The following NFILZ variants were observed in gnomAD, a reference collection of about 807,000 sequenced individuals.
NFILZ encodes NFIL3 like basic leucine zipper.
At chr19:8,675,633 G>A (rs2043107111) in intron 4 of NFILZ, among the ~76,000 whole-genome samples, 1 of 152,182 alleles carries the variant, frequency 6.6e-6, no homozygotes, top group Non-Finnish European at 1.5e-5. Flanking sequence ...TGAGCATAAT[G>A]GCATACAAGT....
At chr19:8,648,126 A>T (rs1207610145) in intron 3 of NFILZ, among the ~76,000 whole-genome samples, 4 of 135,880 alleles carry the variant, frequency 2.9e-5, no homozygotes, top group African/African-American at 1.1e-4. Context: ...GTGAGCCGAG[A>T]TTGAGCCACT....
chr19:8,677,291 T>A lies in NFILZ; in HGVS notation c.526T>A (p.Ser176Thr), dbSNP rs2043115243. Among the ~76,000 whole-genome samples the A allele has an allele frequency of 6.6e-6, 1 of 152,152 alleles. No homozygotes were observed. The highest frequency in any genetic ancestry group is 2.4e-5 in the African/African-American group (1 of 41,440). The part of the protein sequence containing the change: ...TSPRSPQESA[S>T]PTLNRIDMAL... ...TCCTAGGTCCCCCCAAGAGTCTGCA[T>A]CTCCTACCCTCAACAGAATTGACAT... Residue 176 changes from serine (S) to threonine (T), a missense_variant, in exon 6 of 6, where the codon TCT becomes ACT. By Grantham distance (58) the Ser-to-Thr change is moderately conservative. Transcript: ENST00000691075.
Position 8,678,104 on chromosome 19 carries a change from T to C in NFILZ, c.*469T>C, listed in dbSNP as rs2146177318. Reference sequence around the variant, plus strand: ...TCCATCCATCCATTCCATCCATCCATCCATCCATCCATCCATCCATCCCTC... The same window carrying C: ...TCCATCCATCCATTCCATCCATCCACCCATCCATCCATCCATCCATCCCTC... On this transcript the variant is annotated 3_prime_UTR_variant, in exon 6 of 6. Coordinates refer to ENST00000691075, the MANE Select transcript of NFILZ (RefSeq NM_001378600.1). Among the ~76,000 whole-genome samples the C allele has an allele frequency of 6.8e-6, 1 of 147,484 alleles. No individual in the cohort carries two copies. Among genetic ancestry groups the C allele is most frequent in the African/African-American group, 2.5e-5 (1 of 39,578 alleles).
chr19:8,663,177 T>C (rs903326528), intron 3 of NFILZ, among the ~76,000 whole-genome samples: 2 of 151,476 alleles, frequency 1.3e-5, no homozygotes, highest in Admixed American at 1.3e-4. Context: ...CAGGCTGGTT[T>C]TGAACTCCTG....
intron 3 of NFILZ, among the ~76,000 whole-genome samples, chr19:8,669,370 A>G (rs1318924033): frequency 6.6e-6 from 1 of 152,190 alleles, no homozygotes; most frequent in Non-Finnish European, 1.5e-5. Context: ...AGGTACTGCT[A>G]TTATTCCCCT....
At chr19:8,643,852 A>G (rs1248311143) in intron 3 of NFILZ, among the ~76,000 whole-genome samples, 1 of 151,780 alleles carries the variant, frequency 6.6e-6, no homozygotes, top group African/African-American at 2.4e-5. Context: ...GGATCTCTCT[A>G]TCTCTTTCTG....
chr19:8,662,389 T>C (rs1390737066), intron 3 of NFILZ, among the ~76,000 whole-genome samples: 2 of 151,656 alleles, frequency 1.3e-5, no homozygotes, highest in Admixed American at 1.3e-4. Flanking sequence ...GAGAAAGACC[T>C]AAAGGAGGTG....
At chr19:8,653,011 C>T (rs1177976067) in intron 3 of NFILZ, among the ~76,000 whole-genome samples, 40,904 of 51,984 alleles carry the variant, frequency 0.79, 16,114 homozygotes, top group Non-Finnish European at 0.83. Flanking sequence ...TTCCTTCCTT[C>T]CTTTCTTTCT....
intron 3 of NFILZ, among the ~76,000 whole-genome samples, chr19:8,656,875 A>T (rs1335629287): frequency 2.6e-5 from 4 of 151,990 alleles, no homozygotes; most frequent in Non-Finnish European, 4.4e-5. Context: ...TATTCTTGGG[A>T]CCTGCTCCAG....
At chr19:8,675,768 A>G (rs529078062) in intron 4 of NFILZ, among the ~76,000 whole-genome samples, 2 of 152,322 alleles carry the variant, frequency 1.3e-5, no homozygotes, top group African/African-American at 4.8e-5. Context: ...ATGCCTCTAA[A>G]AAAATTGCTT....
chr19:8,679,409 A>C lies in NFILZ; in HGVS notation c.*1774A>C, dbSNP rs1042652317. On this transcript the variant is annotated 3_prime_UTR_variant, in exon 6 of 6. Transcript: ENST00000691075. ...ATCTGGACTGGTACTGACACTGAGA[A>C]CCAGATGCCCCTGGCCAACTGGATC... Among the ~76,000 whole-genome samples, 3 of 151,994 alleles carry C rather than the reference A, an allele frequency of 2.0e-5. No homozygotes were observed. Among genetic ancestry groups the C allele is most frequent in the Admixed American group, 2.0e-4 (3 of 15,248 alleles).
intron 3 of NFILZ, among the ~76,000 whole-genome samples, chr19:8,656,783 C>A (rs183872735): frequency 2.2e-3 from 332 of 152,290 alleles, no homozygotes; most frequent in Admixed American, 3.5e-3. Context: ...TAGCAGGGAA[C>A]TGAAGGGGGG....
intron 3 of NFILZ, among the ~76,000 whole-genome samples, chr19:8,644,359 C>T (rs1478335083): frequency 2.0e-5 from 3 of 152,070 alleles, no homozygotes; most frequent in Non-Finnish European, 4.4e-5. Flanking sequence ...CCTCAGTCTC[C>T]GAAATTGCTG....
At chr19:8,673,739 C>T (rs946378520) in intron 3 of NFILZ, among the ~76,000 whole-genome samples, 6 of 152,024 alleles carry the variant, frequency 3.9e-5, no homozygotes, top group Non-Finnish European at 8.8e-5. Flanking sequence ...GCACTGGAGT[C>T]CCTTCTGTGA....
chr19:8,656,477 TCCCGCAGCCCA>T lies in NFILZ; in HGVS notation c.-163-18071_-163-18061del, dbSNP rs2043002343. 1.7e-3 allele frequency among the ~76,000 whole-genome samples: 58 copies of T among 34,418 alleles called. 6 individuals carry two copies. The highest frequency in any genetic ancestry group is 2.1e-3 in the Non-Finnish European group (39 of 18,406). The allele number at this position is 34,418 out of a possible 152,430, so 22.6% of individuals were successfully genotyped here. On this transcript the variant is annotated intron_variant, in intron 3 of 5. Transcript: ENST00000691075. ...CACCTTCTCTCTGAAGCCCACCTTCTCCCGCAGCCCACCTTCTCCCGCAGCCCACCTTCTCC... is the reference window on the plus strand; with the variant it reads ...CACCTTCTCTCTGAAGCCCACCTTCTCCTTCTCCCGCAGCCCACCTTCTCC...
chr19:8,632,089 G>A (rs1188898686), intron 1 of NFILZ, among the ~76,000 whole-genome samples: 1 of 151,912 alleles, frequency 6.6e-6, no homozygotes, highest in Non-Finnish European at 1.5e-5. Context: ...GGCTGGTCTC[G>A]AACTCCTGAC....
intron 3 of NFILZ, among the ~76,000 whole-genome samples, chr19:8,669,003 G>T (rs2017307): frequency 0.21 from 31,187 of 152,072 alleles, 3,430 homozygotes; most frequent in South Asian, 0.35. Flanking sequence ...GGAGTGCAGT[G>T]GTGCAATCTC....
At position 8,639,993 on chromosome 19, in the gene NFILZ, A is replaced by G. The variant is rs1432834335; in HGVS notation, c.-164+4247A>G. Among the ~76,000 whole-genome samples, 5 of 152,256 alleles carry G rather than the reference A, an allele frequency of 3.3e-5. No homozygotes were observed. In the East Asian group the frequency reaches 9.7e-4, roughly 29 times the overall value. ...CTTTTGTATAACAGATGTTACCCAG[A>G]TGTCAGCTGGGGTCAATAGAGCCTC... is the stretch of plus-strand genomic sequence containing the variant. On this transcript the variant is annotated intron_variant, in intron 3 of 5. Coordinates refer to ENST00000691075, the MANE Select transcript of NFILZ (RefSeq NM_001378600.1).
At chr19:8,648,171 C>CAAAAAA (rs56776806) in intron 3 of NFILZ, among the ~76,000 whole-genome samples, 57 of 68,508 alleles carry the variant, frequency 8.3e-4, no homozygotes, top group African/African-American at 3.1e-3. Context: ...GACTCCGTCT[C>CAAAAAA]AAAAAAAAAA....
Sources: allele counts gnomAD v4.1 joint callset (sites outside exome capture counted in the v4.1 genomes callset), GRCh38; gene constraint gnomAD v4.1.1; transcripts MANE v1.5; gene names NCBI Gene and HGNC (gene_info 2026-07-23, HGNC 2026-07-21).